TMEM269: variants seen among roughly 807,000 people sequenced by gnomAD.
TMEM269 encodes the protein transmembrane protein 269.
In TMEM269, 12 loss-of-function variants were observed where a neutral mutation model predicts 15.8. The observed-to-expected ratio is 0.76, with a 90% CI of 0.49 to 1.23. The LOEUF (loss-of-function observed/expected upper bound fraction) is 1.23. Ranked by LOEUF, TMEM269 falls within the 50% of genes most tolerant of loss-of-function variation. TMEM269 has a pLI of 0.00. For missense variants in TMEM269, 211 were observed against 245.4 expected (o/e 0.86, Z 0.94); for synonymous variants, 93 against 99.3 (o/e 0.94, Z 0.38).
chr1:42,785,417 CAGTT>C (rs368195167), intron 1 of TMEM269, among the ~76,000 whole-genome samples: 19 of 152,318 alleles, frequency 1.2e-4, no homozygotes, highest in East Asian at 3.9e-4. Flanking sequence ...CCCCGCCACT[CAGTT>C]AGAAACCTCA....
At chr1:42,787,605 T>G in intron 1 of TMEM269, among the ~76,000 whole-genome samples, 1 of 31,668 alleles carries the variant, frequency 3.2e-5, no homozygotes, top group Non-Finnish European at 5.1e-5. Flanking sequence ...AGACTCCGTC[T>G]CAAAAAAAAA....
rs1653592598 is a variant in TMEM269, at chr1:42,788,792, CTG to C, written c.-98-1002_-98-1001del. On this transcript the variant is annotated intron_variant, in intron 1 of 5. Coordinates refer to ENST00000637012, the MANE Select transcript of TMEM269 (RefSeq NM_001354602.2). This position sits in a 1 kb window ranked among gnomAD's most constrained non-coding sequence, Gnocchi z 4.0. Reference sequence around the variant, plus strand: ...GAGCAAGTATCTTCCTCTCTTTTAACTGTAGTTTCCTCATTCATAAAATAGGG... The same window carrying C: ...GAGCAAGTATCTTCCTCTCTTTTAACTAGTTTCCTCATTCATAAAATAGGG... 6.6e-6 allele frequency among the ~76,000 whole-genome samples: 1 copy of C among 152,202 alleles called. No individual in the cohort carries two copies. Among genetic ancestry groups the C allele is most frequent in the Admixed American group, 6.5e-5 (1 of 15,288 alleles).
In TMEM269 at chr1:42,788,907, A is replaced by G. The variant is rs1220683232; in HGVS notation, c.-98-889A>G. On this transcript the variant is annotated intron_variant, in intron 1 of 5. Coordinates refer to ENST00000637012, the MANE Select transcript of TMEM269 (RefSeq NM_001354602.2). The surrounding 1 kb of genome is among the most constrained non-coding windows in gnomAD (Gnocchi z 4.0). ...CATGGCGAAAAGATCTTTGTGAACTATTCAGTGTTGTACACTTTTTTTTTT... is the reference window on the plus strand; with the variant it reads ...CATGGCGAAAAGATCTTTGTGAACTGTTCAGTGTTGTACACTTTTTTTTTT... Among the ~76,000 whole-genome samples, 2 of 150,060 alleles carry G rather than the reference A, an allele frequency of 1.3e-5. No individual in the cohort carries two copies. The highest frequency in any genetic ancestry group is 6.7e-5 in the Admixed American group (1 of 15,002).
chr1:42,793,776 G>C lies in TMEM269; in HGVS notation c.283+32G>C, dbSNP rs180826214. ...GGAACCAAGGTTGCCTTAGAACAGA[G>C]GGCAGGGGAGCACAGAACGGGGGGC... is the stretch of plus-strand genomic sequence containing the variant. On this transcript the variant is annotated intron_variant, in intron 4 of 5. Coordinates refer to ENST00000637012, the MANE Select transcript of TMEM269 (RefSeq NM_001354602.2). 6.6e-5 allele frequency: 102 copies of C among 1,544,364 alleles called. 1 individual carries two copies. In the East Asian group the frequency reaches 2.1e-3, roughly 31 times the overall value.
Position 42,794,546 on chromosome 1 carries a change from C to A in TMEM269, c.417C>A (p.Asp139Glu). The change falls in exon 5 of 6, where the codon GAC (aspartate) becomes GAA (glutamate). Residue 139 changes from aspartate (D) to glutamate (E), a missense_variant. Transcript: ENST00000637012. Reference sequence around the variant, plus strand: ...CACTCATGATTCTCTTCATGATGGACCAGAGCTACTATCCATATGACAAAA... The same window carrying A: ...CACTCATGATTCTCTTCATGATGGAACAGAGCTACTATCCATATGACAAAA... ...MASLMILFMM[D>E]QSYYPYDKIL... 1 of 1,550,836 alleles carries A rather than the reference C, an allele frequency of 6.4e-7. No individual in the cohort carries two copies.
chr1:42,786,073 T>A (rs1263878349), intron 1 of TMEM269, among the ~76,000 whole-genome samples: 1 of 152,126 alleles, frequency 6.6e-6, no homozygotes, highest in South Asian at 2.1e-4. Flanking sequence ...CCATAAGAAC[T>A]GGGTAGTTGC....
chr1:42,787,152 A>G (rs1052837016), intron 1 of TMEM269, among the ~76,000 whole-genome samples: 2 of 152,330 alleles, frequency 1.3e-5, no homozygotes, highest in Non-Finnish European at 2.9e-5. Context: ...TAACCAATAC[A>G]ATGTTCAGTC....
rs1173982535 is a variant in TMEM269, at chr1:42,797,493, C to A, written c.485-605C>A. ...GTCAGCACCCTGTGCCTACCATGTA[C>A]CAAAATTCCAGATTCCCAGAAGGAA... On this transcript the variant is annotated intron_variant, in intron 5 of 5. Coordinates refer to ENST00000637012, the MANE Select transcript of TMEM269 (RefSeq NM_001354602.2). This position sits in a 1 kb window ranked among gnomAD's most constrained non-coding sequence, Gnocchi z 4.9. Among the ~76,000 whole-genome samples the A allele has an allele frequency of 6.6e-6, 1 of 152,152 alleles. No homozygotes were observed. The highest frequency in any genetic ancestry group is 1.5e-5 in the Non-Finnish European group (1 of 68,036).
Position 42,798,731 on chromosome 1 carries a change from G to GTTT in TMEM269, c.*506_*507insTTT. Reference sequence around the variant, plus strand: ...AGGATTTTGTAACTTCAACATTCTGGGTTTTTTTTTTTTTTTTTTTTTTTT... The same window carrying GTTT: ...AGGATTTTGTAACTTCAACATTCTGGTTTGTTTTTTTTTTTTTTTTTTTTTTTT... On this transcript the variant is annotated 3_prime_UTR_variant, in exon 6 of 6. Coordinates refer to ENST00000637012, the MANE Select transcript of TMEM269 (RefSeq NM_001354602.2). The GTTT allele has an allele frequency of 8.9e-6, 1 of 112,338 alleles. No homozygotes were observed. The highest frequency in any genetic ancestry group is 2.0e-5 in the Non-Finnish European group (1 of 48,838). 7.0% of individuals were successfully genotyped at this position (112,338 alleles called of 1,614,324 possible).
rs1179103987 is a variant in TMEM269, at chr1:42,798,725, A to G, written c.*500A>G. On this transcript the variant is annotated 3_prime_UTR_variant, in exon 6 of 6. Transcript: ENST00000637012. ...GTGTGTAGGATTTTGTAACTTCAAC[A>G]TTCTGGGTTTTTTTTTTTTTTTTTT... is the stretch of plus-strand genomic sequence containing the variant. 8.1e-6 allele frequency: 1 copy of G among 123,172 alleles called. No homozygotes were observed. Among genetic ancestry groups the G allele is most frequent in the Non-Finnish European group, 1.7e-5 (1 of 59,080 alleles). 7.6% of individuals were successfully genotyped at this position (123,172 alleles called of 1,614,324 possible).
rs552248870 is a variant in TMEM269, at chr1:42,794,522, A to G, written c.393A>G (p.Ser131=). The change falls in exon 5 of 6, where the codon TCA becomes TCG. Residue 131 remains serine, a synonymous_variant. Coordinates refer to ENST00000637012, the MANE Select transcript of TMEM269 (RefSeq NM_001354602.2). The part of the protein sequence containing the change: ...GNRFILCCMA[S]LMILFMMDQS... Reference sequence around the variant, plus strand: ...GGTTCATCCTCTGCTGCATGGCCTCACTCATGATTCTCTTCATGATGGACC... The same window carrying G: ...GGTTCATCCTCTGCTGCATGGCCTCGCTCATGATTCTCTTCATGATGGACC... 3.9e-6 allele frequency: 6 copies of G among 1,550,686 alleles called. No homozygotes were observed. The African/African-American group carries it at 4.1e-5, about 11-fold the overall frequency.
At chr1:42,785,822 C>T (rs140678977) in intron 1 of TMEM269, among the ~76,000 whole-genome samples, 7 of 152,352 alleles carry the variant, frequency 4.6e-5, no homozygotes, top group Non-Finnish European at 1.0e-4. Context: ...AATGTCACCA[C>T]AGGAGTGGAA....
rs1462504799 is a variant in TMEM269 at position 42,788,442 on chromosome 1, A to T, written c.-98-1354A>T. On this transcript the variant is annotated intron_variant, in intron 1 of 5. Transcript: ENST00000637012. This position sits in a 1 kb window ranked among gnomAD's most constrained non-coding sequence, Gnocchi z 4.0. ...AGGAATGGGGCTCTTTCTCCAAGAG[A>T]CTCAGTTTCTCAAGCAGATTGAGTG... Among the ~76,000 whole-genome samples, 1 of 151,930 alleles carries T rather than the reference A, an allele frequency of 6.6e-6. No individual in the cohort carries two copies. Among genetic ancestry groups the T allele is most frequent in the African/African-American group, 2.4e-5 (1 of 41,332 alleles).
rs1653849169 is a variant in TMEM269, at chr1:42,799,290, A to G, written c.*1065A>G. 1 of 151,496 alleles carries G rather than the reference A, an allele frequency of 6.6e-6. No individual in the cohort carries two copies. Among genetic ancestry groups the G allele is most frequent in the South Asian group, 2.1e-4 (1 of 4,780 alleles). The allele number at this position is 151,496 out of a possible 1,614,324, so 9.4% of individuals were successfully genotyped here. A position where few individuals can be genotyped will look rare whatever the true frequency, so the allele number is the denominator to read the frequency against. Reference sequence around the variant, plus strand: ...GAGAACTCAGGTCCACTGAGCCCCCAGCGTAGATAGACATTCCACCTCCCA... The same window carrying G: ...GAGAACTCAGGTCCACTGAGCCCCCGGCGTAGATAGACATTCCACCTCCCA... On this transcript the variant is annotated 3_prime_UTR_variant, in exon 6 of 6. Transcript: ENST00000637012.
intron 2 of TMEM269, among the ~76,000 whole-genome samples, chr1:42,791,595 T>C (rs1434922153): frequency 1.3e-5 from 2 of 152,030 alleles, no homozygotes; most frequent in Non-Finnish European, 2.9e-5. Flanking sequence ...ATTTATTGCA[T>C]TGAATGCATA....
In TMEM269 at chr1:42,799,333, T is replaced by C. The variant is rs775971516; in HGVS notation, c.*1108T>C. 2.0e-5 allele frequency: 3 copies of C among 151,738 alleles called. No individual in the cohort carries two copies. The highest frequency in any genetic ancestry group is 2.1e-4 in the South Asian group (1 of 4,802). 9.4% of individuals were successfully genotyped at this position (151,738 alleles called of 1,614,324 possible). On this transcript the variant is annotated 3_prime_UTR_variant, in exon 6 of 6. Coordinates refer to ENST00000637012, the MANE Select transcript of TMEM269 (RefSeq NM_001354602.2). ...ACCTCCCAGATGGTGGAAAAAAGGA[T>C]TGATGGCTGGTTCTGCTCCACCCTC...
chr1:42,796,970 A>G (rs1007394959), intron 5 of TMEM269, among the ~76,000 whole-genome samples: 1 of 151,954 alleles, frequency 6.6e-6, no homozygotes, highest in African/African-American at 2.4e-5. Flanking sequence ...TTAAGAGTCA[A>G]GCAGAAGTGG....
At chr1:42,792,754 T>C (rs925323888) in intron 2 of TMEM269, 51 bp from the exon 3 acceptor site, 2 of 1,162,752 alleles carry the variant, frequency 1.7e-6, no homozygotes, top group African/African-American at 3.1e-5. Context: ...GAGTCTCCAG[T>C]GGAAACTGCG....
At position 42,793,651 on chromosome 1, in the gene TMEM269, G is replaced by A. The variant is rs926584310; in HGVS notation, c.190G>A (p.Ala64Thr). 1.2e-5 allele frequency: 18 copies of A among 1,550,408 alleles called. No individual in the cohort carries two copies. The highest frequency in any genetic ancestry group is 1.1e-4 in the African/African-American group (8 of 73,048). ...AVFTTFGLAS[A>T]LLLGVDGLLS... ...CTTCACCACCTTCGGCTTGGCCTCC[G>A]CTCTGCTCCTAGGCGTGGATGGACT... is the stretch of plus-strand genomic sequence containing the variant. The change falls in exon 4 of 6, where the codon GCT becomes ACT. Residue 64 changes from alanine to threonine, a missense_variant. Ala to Thr is a moderately conservative substitution (Grantham distance 58). Coordinates refer to ENST00000637012, the MANE Select transcript of TMEM269 (RefSeq NM_001354602.2).
Sources: allele counts gnomAD v4.1 joint callset (sites outside exome capture counted in the v4.1 genomes callset), GRCh38; gene constraint gnomAD v4.1.1; non-coding constraint Gnocchi (gnomAD v3.1); transcripts MANE v1.5; gene names NCBI Gene and HGNC (gene_info 2026-07-23, HGNC 2026-07-21).